UPF2: variants seen among roughly 807,000 people sequenced by gnomAD.
UPF2 encodes the protein UPF2 regulator of nonsense mediated mRNA decay, also known as regulator of nonsense transcripts 2.
A neutral mutation model predicts 141.4 loss-of-function variants in UPF2; 17 were observed. The ratio of observed to expected loss-of-function variants is 0.12; its 90% CI spans 0.08 to 0.18. The LOEUF (loss-of-function observed/expected upper bound fraction) is 0.18, where lower values mean the gene tolerates loss of function less well. Ranked by LOEUF, UPF2 falls within the 10% of genes least tolerant of loss-of-function variation. UPF2 has a pLI of 1.00. For synonymous variants in UPF2, 540 were observed against 498.0 expected (o/e 1.08, Z -1.12); for missense variants, 1,152 against 1,515.9 (o/e 0.76, Z 3.99).
chr10:11,938,889 G>A (rs140062326), intron 18 of UPF2, among the ~76,000 whole-genome samples: 6,938 of 61,062 alleles, frequency 0.11, 321 homozygotes, highest in Middle Eastern at 0.19. Flanking sequence ...TTTTGGAGAC[G>A]GAGTCTCACT....
At chr10:12,043,118 A>C (rs1351777599), upstream of UPF2, 3 of 152,348 alleles carry the variant, frequency 2.0e-5, no homozygotes, top group African/African-American at 7.2e-5. Flanking sequence ...TCCCCAGTCG[A>C]TGAGAAGAGC....
At chr10:11,946,363 G>C (rs1832999979) in intron 16 of UPF2, among the ~76,000 whole-genome samples, 3 of 151,946 alleles carry the variant, frequency 2.0e-5, no homozygotes, top group Admixed American at 2.0e-4. Context: ...TCTAAATAAA[G>C]CTTTTTAAAA....
At chr10:11,986,242 T>C (rs2131240994) in intron 8 of UPF2, among the ~76,000 whole-genome samples, 1 of 152,290 alleles carries the variant, frequency 6.6e-6, no homozygotes, top group South Asian at 2.1e-4. Flanking sequence ...AAATTACGTT[T>C]ACCAACAATG....
intron 9 of UPF2, among the ~76,000 whole-genome samples, chr10:11,968,593 T>C (rs1388420813): frequency 6.8e-6 from 1 of 146,358 alleles, no homozygotes; most frequent in Non-Finnish European, 1.5e-5. Flanking sequence ...GCCAATATAA[T>C]CACTGTTCTT....
At chr10:12,004,814 T>A (rs1418180657) in intron 4 of UPF2, 87 bp from the exon 5 acceptor site, 1 of 1,312,072 alleles carries the variant, frequency 7.6e-7, no homozygotes, top group Non-Finnish European at 1.0e-6. Context: ...CAGTTTTACA[T>A]CTATTGAATC....
rs541687744 is a variant in UPF2, at chr10:11,985,628, A to C, written c.1845-6463T>G. Among the ~76,000 whole-genome samples, 564 of 150,694 alleles carry C rather than the reference A, an allele frequency of 3.7e-3. 2 individuals carry two copies. The highest frequency in any genetic ancestry group is 6.7e-3 in the Non-Finnish European group (452 of 67,516). ...ACAGCAAGAGTCCGTCTCCAAAAAA[A>C]AAAAAAAACAAACAAACAAAAAAAA... On this transcript the variant is annotated intron_variant, in intron 8 of 21. Coordinates refer to ENST00000357604, the MANE Select transcript of UPF2 (RefSeq NM_015542.4).
At chr10:12,012,917 C>T (rs1834156374) in intron 4 of UPF2, among the ~76,000 whole-genome samples, 1 of 151,810 alleles carries the variant, frequency 6.6e-6, no homozygotes, top group African/African-American at 2.4e-5. Context: ...GGCAGGAGGA[C>T]TGCTTGAGCT....
intron 8 of UPF2, among the ~76,000 whole-genome samples, chr10:11,985,466 T>A (rs1362016380): frequency 6.6e-6 from 1 of 151,726 alleles, no homozygotes; most frequent in Non-Finnish European, 1.5e-5. Flanking sequence ...TGAAACCCTG[T>A]CTCTACTAAA....
chr10:12,029,828 G>A (rs1834484557), intron 2 of UPF2, among the ~76,000 whole-genome samples: 1 of 151,976 alleles, frequency 6.6e-6, no homozygotes, highest in Non-Finnish European at 1.5e-5. Flanking sequence ...TGGGCGTGAT[G>A]GCGCTCACCT....
At chr10:11,951,723 C>G (rs942257833) in intron 15 of UPF2, among the ~76,000 whole-genome samples, 1 of 152,030 alleles carries the variant, frequency 6.6e-6, no homozygotes, top group Admixed American at 6.6e-5. Flanking sequence ...AAAATATATA[C>G]GCAAAAATAA....
At chr10:11,967,546 G>GT (rs755905255) in intron 9 of UPF2, 92 bp from the exon 10 acceptor site, 25,729 of 240,900 alleles carry the variant, frequency 0.11, 31 homozygotes, top group Middle Eastern at 0.16. Flanking sequence ...ATTCACTCCA[G>GT]TTTTTTTTTT....
At position 12,009,862 on chromosome 10, in the gene UPF2, T is replaced by C. The variant is rs578221624; in HGVS notation, c.1306+4162A>G. 4.6e-5 allele frequency among the ~76,000 whole-genome samples: 7 copies of C among 152,272 alleles called. No individual in the cohort carries two copies. In the East Asian group the frequency reaches 1.2e-3, roughly 25 times the overall value. On this transcript the variant is annotated intron_variant, in intron 4 of 21. Transcript: ENST00000357604. ...CTGAGTACTGATCAGCTCCTATGTA[T>C]AAGGAAACAAAATGTTCACCTGAGT...
chr10:11,960,776 A>T (rs948171146), intron 11 of UPF2, among the ~76,000 whole-genome samples: 1 of 142,282 alleles, frequency 7.0e-6, no homozygotes, highest in African/African-American at 2.5e-5. Context: ...ATCTCTTAAT[A>T]AAAAAAAAAA....
intron 8 of UPF2, among the ~76,000 whole-genome samples, chr10:11,984,532 C>G (rs1279416317): frequency 6.6e-6 from 1 of 152,042 alleles, no homozygotes; most frequent in African/African-American, 2.4e-5. Flanking sequence ...AAAACAGCAT[C>G]AAATATTCTT....
chr10:11,946,968 A>G (rs746986662), intron 16 of UPF2, among the ~76,000 whole-genome samples: 1 of 152,244 alleles, frequency 6.6e-6, no homozygotes, highest in African/African-American at 2.4e-5. Flanking sequence ...TTGGAAGGCC[A>G]AGGTGGGGGG....
At chr10:11,942,805 C>T (rs2131171109) in intron 17 of UPF2, 42 bp from the exon 18 acceptor site, 1 of 1,581,520 alleles carries the variant, frequency 6.3e-7, no homozygotes, top group East Asian at 2.2e-5. Context: ...GAAATTTTAA[C>T]TGTAATGTTT....
chr10:11,966,345 T>C (rs912100146), intron 10 of UPF2, among the ~76,000 whole-genome samples: 9 of 152,366 alleles, frequency 5.9e-5, no homozygotes, highest in Admixed American at 5.2e-4. Flanking sequence ...TGAAGCCATG[T>C]TATTGGTTGC....
At chr10:12,041,433 A>G (rs746696553) in intron 1 of UPF2, among the ~76,000 whole-genome samples, 1 of 151,810 alleles carries the variant, frequency 6.6e-6, no homozygotes, top group African/African-American at 2.4e-5. Context: ...TGTATATTTT[A>G]TTTGGTATTC....
chr10:12,006,982 C>T (rs1176322134), intron 4 of UPF2, among the ~76,000 whole-genome samples: 1 of 152,192 alleles, frequency 6.6e-6, no homozygotes, highest in African/African-American at 2.4e-5. Flanking sequence ...CCTCGCCAGA[C>T]ACCAACTTGG....
Sources: allele counts gnomAD v4.1 joint callset (sites outside exome capture counted in the v4.1 genomes callset), GRCh38; gene constraint gnomAD v4.1.1; transcripts MANE v1.5; gene names NCBI Gene and HGNC (gene_info 2026-07-23, HGNC 2026-07-21).